The following PXK variants were observed in gnomAD, a reference collection of about 807,000 sequenced individuals.
PXK encodes the protein PX domain-containing protein kinase-like protein.
In PXK, 35 loss-of-function variants were observed where a neutral mutation model predicts 84.7. The ratio of observed to expected loss-of-function variants is 0.41; its 90% CI spans 0.32 to 0.55. The LOEUF is 0.55. Ranked by LOEUF, PXK falls within the 20% of genes least tolerant of loss-of-function variation. PXK has a pLI of 0.21. For missense variants in PXK, 634 were observed against 699.7 expected (o/e 0.91, Z 1.06); for synonymous variants, 253 against 260.8 (o/e 0.97, Z 0.29).
At chr3:58,343,565 G>A (rs1413334274) in intron 1 of PXK, among the ~76,000 whole-genome samples, 1 of 152,220 alleles carries the variant, frequency 6.6e-6, no homozygotes, top group African/African-American at 2.4e-5. Context: ...TGTTGAGGGT[G>A]GACAGGAGGG....
At chr3:58,378,509 TTTTTG>T (rs1310584705) in intron 3 of PXK, among the ~76,000 whole-genome samples, 13 of 43,532 alleles carry the variant, frequency 3.0e-4, no homozygotes, top group Admixed American at 5.4e-4. Context: ...TTTTTTTTTT[TTTTTG>T]TGTGTGTGTG....
intron 1 of PXK, among the ~76,000 whole-genome samples, chr3:58,342,576 A>C (rs2097755271): frequency 6.8e-6 from 1 of 146,058 alleles, no homozygotes; most frequent in Non-Finnish European, 1.5e-5. Context: ...CAGAGGTTGC[A>C]GTGAGCTGAG....
At chr3:58,369,595 G>T (rs2108508909) in intron 3 of PXK, 117 bp downstream of exon 3, 1 of 732,376 alleles carries the variant, frequency 1.4e-6, no homozygotes, top group South Asian at 1.7e-5. Flanking sequence ...GGAGGCCAAT[G>T]CGGGTGGATC....
chr3:58,358,518 C>T (rs1184839307), intron 1 of PXK, among the ~76,000 whole-genome samples: 2 of 152,296 alleles, frequency 1.3e-5, no homozygotes, highest in African/African-American at 4.8e-5. Context: ...AAGTAACTCC[C>T]ACTCCATCCT....
intron 1 of PXK, among the ~76,000 whole-genome samples, chr3:58,342,549 C>T (rs958788835): frequency 2.7e-5 from 4 of 147,672 alleles, no homozygotes; most frequent in African/African-American, 1.0e-4. Context: ...GCACGAGAAT[C>T]GCTTGAACCT....
In PXK at chr3:58,397,085, A is replaced by T; in HGVS notation, c.869A>T (p.His290Leu). The T allele has an allele frequency of 1.2e-6, 2 of 1,614,186 alleles. No individual in the cohort carries two copies. Among genetic ancestry groups the T allele is most frequent in the Non-Finnish European group, 8.5e-7 (1 of 1,180,004 alleles). The change falls in exon 10 of 18, where the codon CAC becomes CTC. Residue 290 changes from histidine to leucine, a missense_variant. By Grantham distance (99) the His-to-Leu change is moderately conservative (BLOSUM62 -3). This residue lies in a region of PXK where 353 missense variants were observed against 385.2 expected (regional missense o/e 0.92). Transcript: ENST00000356151. This position sits in a 1 kb window ranked among gnomAD's most constrained non-coding sequence, Gnocchi z 4.7. ...HDKGFPYGHL[H>L]ASNVMLDGDT... ...AAGGGATTCCCTTATGGGCATCTTCACGCCTCCAATGTGATGCTCGATGGG... is the reference window on the plus strand; with the variant it reads ...AAGGGATTCCCTTATGGGCATCTTCTCGCCTCCAATGTGATGCTCGATGGG...
Position 58,421,675 on chromosome 3 carries a change from T to G in PXK, c.1529-3077T>G, listed in dbSNP as rs774891312. ...CTGGCATTCCTCCCTAGATCTGACC[T>G]ACGCTCTCCCTGCAGCATTCTCTGC... is the stretch of plus-strand genomic sequence containing the variant. On this transcript the variant is annotated intron_variant, in intron 17 of 17. Coordinates refer to ENST00000356151, the MANE Select transcript of PXK (RefSeq NM_017771.5). The surrounding 1 kb of genome is among the most constrained non-coding windows in gnomAD (Gnocchi z 5.5). The G allele has an allele frequency of 1.0e-6, 1 of 988,262 alleles. No homozygotes were observed. Among genetic ancestry groups the G allele is most frequent in the Non-Finnish European group, 1.2e-6 (1 of 830,276 alleles). The allele number at this position is 988,262 out of a possible 1,614,324, so 61.2% of individuals were successfully genotyped here.
At position 58,414,920 on chromosome 3, in the gene PXK, A is replaced by G. The variant is rs895731943; in HGVS notation, c.1528+1957A>G. ...TTATTCATTTAAGAATAAACATTCA[A>G]GGTGCATTTACTGAGAACCTATGGT... On this transcript the variant is annotated intron_variant, in intron 17 of 17. Transcript: ENST00000356151. The surrounding 1 kb of genome is among the most constrained non-coding windows in gnomAD (Gnocchi z 4.5). 2.6e-5 allele frequency among the ~76,000 whole-genome samples: 4 copies of G among 152,172 alleles called. No homozygotes were observed. Among genetic ancestry groups the G allele is most frequent in the African/African-American group, 9.7e-5 (4 of 41,424 alleles).
At chr3:58,336,069 ATATTTTTTTTT>A (rs1272750232) in intron 1 of PXK, among the ~76,000 whole-genome samples, 5 of 56,634 alleles carry the variant, frequency 8.8e-5, no homozygotes, top group African/African-American at 5.8e-4. Context: ...ATATATATAT[ATATTTTTTTTT>A]TTTTTTTTTA....
chr3:58,344,891 C>T (rs1033570858), intron 1 of PXK, among the ~76,000 whole-genome samples: 5 of 152,200 alleles, frequency 3.3e-5, no homozygotes, highest in Non-Finnish European at 5.9e-5. Context: ...CATGAGCTCC[C>T]GGAGGCCAGA....
At chr3:58,347,277 T>C (rs2097842469) in intron 1 of PXK, among the ~76,000 whole-genome samples, 1 of 152,210 alleles carries the variant, frequency 6.6e-6, no homozygotes, top group Admixed American at 6.5e-5. Context: ...AAAATTTACA[T>C]ACAATGAAAT....
intron 1 of PXK, among the ~76,000 whole-genome samples, chr3:58,342,065 G>GTTT (rs11425273): frequency 6.7e-6 from 1 of 148,768 alleles, no homozygotes; most frequent in African/African-American, 2.5e-5. Context: ...AACTCAGAAT[G>GTTT]TTTTTTTTTT....
chr3:58,403,754 G>A, intron 12 of PXK, 108 bp from the exon 13 acceptor site: 3 of 508,634 alleles, frequency 5.9e-6, no homozygotes, highest in Non-Finnish European at 1.0e-5. Context: ...AGGATGTGGT[G>A]CAGGGAAGGG....
chr3:58,353,662 T>G (rs1381272480), intron 1 of PXK, among the ~76,000 whole-genome samples: 1 of 152,226 alleles, frequency 6.6e-6, no homozygotes. Flanking sequence ...TATGAGAATT[T>G]CCTCAGAAAC....
intron 2 of PXK, among the ~76,000 whole-genome samples, chr3:58,367,220 A>G (rs1480010524): frequency 3.9e-5 from 6 of 152,092 alleles, no homozygotes; most frequent in Non-Finnish European, 8.8e-5. Context: ...TTAATAAGGG[A>G]AAAGCATAAC....
intron 1 of PXK, among the ~76,000 whole-genome samples, chr3:58,349,876 G>C (rs1428725257): frequency 6.6e-6 from 1 of 152,200 alleles, no homozygotes; most frequent in African/African-American, 2.4e-5. Context: ...TGAACTGGTT[G>C]AGAAAGACTG....
intron 7 of PXK, among the ~76,000 whole-genome samples, chr3:58,393,523 A>T (rs2098651954): frequency 6.6e-6 from 1 of 152,172 alleles, no homozygotes. Flanking sequence ...GAGCATCTTT[A>T]GTTGTTAGTA....
At chr3:58,413,011 G>GA in intron 17 of PXK, 48 bp downstream of exon 17, 3 of 1,595,684 alleles carry the variant, frequency 1.9e-6, no homozygotes, top group African/African-American at 1.3e-5. Context: ...CCGCCAACAG[G>GA]AGGAGCGGGC....
Position 58,423,204 on chromosome 3 carries a change from G to A in PXK, c.1529-1548G>A, listed in dbSNP as rs529208470. 161 of 984,338 alleles carry A rather than the reference G, an allele frequency of 1.6e-4. No individual in the cohort carries two copies. The Middle Eastern group carries it at 5.2e-3, about 32-fold the overall frequency. The allele number at this position is 984,338 out of a possible 1,614,324, so 61.0% of individuals were successfully genotyped here. On this transcript the variant is annotated intron_variant, in intron 17 of 17. Transcript: ENST00000356151. ...TGCTCATCACACATGCTTATTCTCC[G>A]TTTTCCCACTTCAACAGTTACTTCA...
Sources: allele counts gnomAD v4.1 joint callset (sites outside exome capture counted in the v4.1 genomes callset), GRCh38; gene constraint gnomAD v4.1.1; regional missense constraint gnomAD v4.1.1; non-coding constraint Gnocchi (gnomAD v3.1); transcripts MANE v1.5; gene names NCBI Gene and HGNC (gene_info 2026-07-23, HGNC 2026-07-21).